The following BDH1 variants were observed in gnomAD, a reference collection of about 807,000 sequenced individuals.
BDH1 encodes D-beta-hydroxybutyrate dehydrogenase, mitochondrial.
Under a neutral mutation model 33.1 loss-of-function variants are expected in BDH1, and 30 were observed. The observed-to-expected ratio is 0.91, with a 90% CI of 0.68 to 1.23. BDH1 has a LOEUF of 1.23. BDH1 is among the 50% of genes most tolerant of loss of function. BDH1 has a pLI of 0.00. For missense variants in BDH1, 443 were observed against 464.4 expected (o/e 0.95, Z 0.42); for synonymous variants, 190 against 183.6 (o/e 1.03, Z -0.28).
At position 197,548,766 on chromosome 3, in the gene BDH1, G is replaced by A. The variant is rs894345781; in HGVS notation, c.-43-2280C>T. On this transcript the variant is annotated intron_variant, in intron 2 of 7. Transcript: ENST00000392379. ...CTCGGGAGGCTGGGGCAGGAGAATC[G>A]CTTGAACCCAGGAGGCGGAGGTTGC... is the stretch of plus-strand genomic sequence containing the variant. Among the ~76,000 whole-genome samples, 14 of 152,188 alleles carry A rather than the reference G, an allele frequency of 9.2e-5. No individual in the cohort carries two copies. In the East Asian group the frequency reaches 1.5e-3, roughly 17 times the overall value.
chr3:197,521,401 G>A lies in BDH1; in HGVS notation c.409+1239C>T, dbSNP rs927675547. ...AGTCCTTATGCTACTGGAACTTTCT[G>A]TAGCTTTTGACCCTGTTGGCTACTG... is the stretch of plus-strand genomic sequence containing the variant. On this transcript the variant is annotated intron_variant, in intron 6 of 7. Coordinates refer to ENST00000392379, the MANE Select transcript of BDH1 (RefSeq NM_203314.3). This position sits in a 1 kb window ranked among gnomAD's most constrained non-coding sequence, Gnocchi z 4.9. Among the ~76,000 whole-genome samples the A allele has an allele frequency of 1.3e-5, 2 of 152,172 alleles. No homozygotes were observed. The highest frequency in any genetic ancestry group is 2.9e-5 in the Non-Finnish European group (2 of 68,030).
intron 1 of BDH1, among the ~76,000 whole-genome samples, chr3:197,564,244 G>A (rs980428372): frequency 6.6e-6 from 1 of 151,822 alleles, no homozygotes; most frequent in Non-Finnish European, 1.5e-5. Flanking sequence ...TAAGAAAGAG[G>A]GATGTTCAGG....
intron 1 of BDH1, among the ~76,000 whole-genome samples, chr3:197,565,454 T>G (rs1488193704): frequency 3.3e-5 from 5 of 152,208 alleles, no homozygotes; most frequent in African/African-American, 1.2e-4. Context: ...CTTTAAGATA[T>G]TAGGTTTCCT....
chr3:197,529,135 A>C (rs910211420), intron 5 of BDH1: 7 of 152,344 alleles, frequency 4.6e-5, no homozygotes, highest in African/African-American at 1.7e-4. Context: ...CACTGTCAGG[A>C]GAGCGACAGC....
At chr3:197,551,443 T>A (rs1322385148) in intron 2 of BDH1, among the ~76,000 whole-genome samples, 2 of 152,250 alleles carry the variant, frequency 1.3e-5, no homozygotes, top group African/African-American at 2.4e-5. Context: ...ATTGTGTATA[T>A]GTACCACATT....
intron 6 of BDH1, among the ~76,000 whole-genome samples, chr3:197,518,192 C>T (rs2686066): frequency 0.057 from 229 of 3,990 alleles, 14 homozygotes; most frequent in African/African-American, 0.093. Context: ...GTCTCCATCT[C>T]CCCCTCAGGC....
chr3:197,541,627 T>C (rs542300977), intron 3 of BDH1, among the ~76,000 whole-genome samples: 14 of 151,850 alleles, frequency 9.2e-5, no homozygotes, highest in African/African-American at 3.2e-4. Flanking sequence ...TGCGTATGTT[T>C]GAGATTCTCC....
intron 2 of BDH1, among the ~76,000 whole-genome samples, chr3:197,547,011 A>C (rs35659266): frequency 0.25 from 38,366 of 152,044 alleles, 5,122 homozygotes; most frequent in Middle Eastern, 0.32. Flanking sequence ...CATGCGAACA[A>C]ACAAGGGGGC....
At position 197,555,797 on chromosome 3, in the gene BDH1, A is replaced by C. The variant is rs909549300; in HGVS notation, c.-212T>G. ...TCCTCTTACCCAAAACCAAATGGGC[A>C]GGGGGCTCCGCTGCAGAGGGCTCGC... On this transcript the variant is annotated 5_prime_UTR_variant, in exon 1 of 8. Coordinates refer to ENST00000392379, the MANE Select transcript of BDH1 (RefSeq NM_203314.3). 1 of 152,260 alleles carries C rather than the reference A, an allele frequency of 6.6e-6. No individual in the cohort carries two copies. The highest frequency in any genetic ancestry group is 1.5e-5 in the Non-Finnish European group (1 of 68,076). 9.4% of individuals were successfully genotyped at this position (152,260 alleles called of 1,614,324 possible). A position where few individuals can be genotyped will look rare whatever the true frequency, so the allele number is the denominator to read the frequency against.
chr3:197,554,969 G>A lies in BDH1; in HGVS notation c.-195-256C>T, dbSNP rs1171646694. On this transcript the variant is annotated intron_variant, in intron 1 of 7. Coordinates refer to ENST00000392379, the MANE Select transcript of BDH1 (RefSeq NM_203314.3). The surrounding 1 kb of genome is among the most constrained non-coding windows in gnomAD (Gnocchi z 4.4). ...GCGCTCCCCAACGGCCGGCCGGAGG[G>A]CGGGGAGAGAGGGGGGCTCGGCCAG... Among the ~76,000 whole-genome samples, 1 of 152,246 alleles carries A rather than the reference G, an allele frequency of 6.6e-6. No homozygotes were observed. The highest frequency in any genetic ancestry group is 6.5e-5 in the Admixed American group (1 of 15,286).
intron 5 of BDH1, among the ~76,000 whole-genome samples, chr3:197,531,006 A>G (rs991866972): frequency 4.6e-5 from 7 of 152,254 alleles, no homozygotes; most frequent in Admixed American, 3.3e-4. Context: ...AAGAATCAAC[A>G]ACAAGGAAAA....
intron 1 of BDH1, among the ~76,000 whole-genome samples, chr3:197,571,651 G>A (rs1018348963): frequency 1.3e-5 from 2 of 152,158 alleles, no homozygotes; most frequent in African/African-American, 4.8e-5. Context: ...TGCCATAATT[G>A]TGAGGCCTCT....
At chr3:197,568,399 C>A (rs1228531061) in intron 1 of BDH1, among the ~76,000 whole-genome samples, 1 of 151,030 alleles carries the variant, frequency 6.6e-6, no homozygotes, top group Non-Finnish European at 1.5e-5. Flanking sequence ...GTATATTATT[C>A]TATGCTGCTT....
chr3:197,512,401 C>T, intron 7 of BDH1, 37 bp from the exon 8 acceptor site: 1 of 1,566,346 alleles, frequency 6.4e-7, no homozygotes, highest in Non-Finnish European at 8.6e-7. Context: ...TAAGCCGTTA[C>T]TGCCCTATGA....
At chr3:197,561,712 G>C (rs1282760291) in intron 1 of BDH1, among the ~76,000 whole-genome samples, 1 of 152,008 alleles carries the variant, frequency 6.6e-6, no homozygotes, top group African/African-American at 2.4e-5. Flanking sequence ...ATCTGAGTGA[G>C]AATTCCAAAT....
chr3:197,564,099 A>T (rs1487727846), intron 1 of BDH1, among the ~76,000 whole-genome samples: 1 of 50,270 alleles, frequency 2.0e-5, no homozygotes, highest in Non-Finnish European at 4.0e-5. Flanking sequence ...GACTTCATCT[A>T]AAAAAAAAAA....
chr3:197,571,874 G>A (rs1020222035), intron 1 of BDH1, among the ~76,000 whole-genome samples: 1 of 152,180 alleles, frequency 6.6e-6, no homozygotes, highest in Non-Finnish European at 1.5e-5. Context: ...ACCAGCCTAG[G>A]CAAACAGCAA....
chr3:197,535,145 C>CT (rs1247795045), intron 3 of BDH1, among the ~76,000 whole-genome samples: 1 of 146,312 alleles, frequency 6.8e-6, no homozygotes, highest in Admixed American at 6.7e-5. Context: ...ATACCAATAC[C>CT]TTGGGGGTTA....
chr3:197,564,910 GTGTTT>G (rs967633735), intron 1 of BDH1, among the ~76,000 whole-genome samples: 1 of 152,086 alleles, frequency 6.6e-6, no homozygotes, highest in Admixed American at 6.6e-5. Context: ...GCTTCCTGCT[GTGTTT>G]TGTTTTTTGT....
Sources: gnomAD v4.1 joint callset for allele counts (sites outside exome capture counted in the v4.1 genomes callset) on GRCh38, gnomAD v4.1.1 for gene constraint, Gnocchi (gnomAD v3.1) non-coding constraint, MANE v1.5 for transcripts, NCBI Gene and HGNC (gene_info 2026-07-23, HGNC 2026-07-21) for gene names.